DACH2: variants seen among roughly 807,000 people sequenced by gnomAD.
DACH2 encodes dachshund family transcription factor 2, also known as dachshund homolog 2.
Under a neutral mutation model 35.8 loss-of-function variants are expected in DACH2, and 17 were observed. The observed-to-expected ratio is 0.48, with a 90% CI of 0.33 to 0.71. DACH2 has a LOEUF of 0.71. DACH2 is among the 30% of genes least tolerant of loss of function. The pLI is 0.02. For missense variants in DACH2, 469 were observed against 472.7 expected (o/e 0.99, Z 0.07); for synonymous variants, 195 against 177.3 (o/e 1.10, Z -0.79).
At chrX:86,258,057 A>C (rs765932171) in intron 1 of DACH2, among the ~76,000 whole-genome samples, 2 of 112,149 alleles carry the variant, frequency 1.8e-5, no homozygotes, top group South Asian at 7.5e-4. Flanking sequence ...TTATTAGGAC[A>C]ATCAGGCAAG....
chrX:86,299,970 A>G (rs1231761270), intron 1 of DACH2, among the ~76,000 whole-genome samples: 1 of 111,841 alleles, frequency 8.9e-6, no homozygotes, highest in Non-Finnish European at 1.9e-5. Flanking sequence ...TGTTACATGC[A>G]TAGAATGTGT....
chrX:86,322,446 G>A (rs2035032760), intron 1 of DACH2, among the ~76,000 whole-genome samples: 1 of 110,469 alleles, frequency 9.1e-6, no homozygotes, highest in Non-Finnish European at 1.9e-5. Context: ...AAGACAGTGG[G>A]GGTGCCCCCA....
At chrX:86,262,581 A>G (rs1020003444) in intron 1 of DACH2, among the ~76,000 whole-genome samples, 2 of 110,345 alleles carry the variant, frequency 1.8e-5, no homozygotes, top group African/African-American at 6.6e-5. Context: ...TTTAAATGAC[A>G]TTTTCAACAA....
chrX:86,217,727 CA>C (rs1243642101), intron 1 of DACH2, among the ~76,000 whole-genome samples: 1 of 110,246 alleles, frequency 9.1e-6, no homozygotes, highest in African/African-American at 3.3e-5. Flanking sequence ...GTATAACTGA[CA>C]AAAAAGAAAT....
chrX:86,689,200 C>T (rs12838346), intron 4 of DACH2, among the ~76,000 whole-genome samples: 29,938 of 111,005 alleles, frequency 0.27, 3,359 homozygotes, highest in Middle Eastern at 0.43. Flanking sequence ...ATTTCAGATA[C>T]AGTGCATGAT....
At chrX:86,536,008 T>C (rs188122964) in intron 3 of DACH2, among the ~76,000 whole-genome samples, 257 of 110,859 alleles carry the variant, frequency 2.3e-3, no homozygotes, top group Admixed American at 3.6e-3. Flanking sequence ...TACAAGGAAC[T>C]GGAATTGGGA....
chrX:86,557,549 C>A (rs1046053882), intron 3 of DACH2, among the ~76,000 whole-genome samples: 1 of 82,427 alleles, frequency 1.2e-5, no homozygotes, highest in Non-Finnish European at 2.4e-5. Context: ...GCCATTTTCA[C>A]GATATTGATT....
chrX:86,436,922 G>A (rs1251561839), intron 2 of DACH2, among the ~76,000 whole-genome samples: 1 of 111,248 alleles, frequency 9.0e-6, no homozygotes, highest in African/African-American at 3.3e-5. Flanking sequence ...TGTGAGCATA[G>A]AGTTGTTAAT....
intron 1 of DACH2, among the ~76,000 whole-genome samples, chrX:86,243,454 G>GT (rs976550590): frequency 3.6e-5 from 4 of 111,527 alleles, no homozygotes; most frequent in Non-Finnish European, 5.7e-5. Flanking sequence ...TAAAATTCAT[G>GT]TTTTTTTAAA....
chrX:86,318,214 T>A (rs2034950119), intron 1 of DACH2, among the ~76,000 whole-genome samples: 2 of 111,674 alleles, frequency 1.8e-5, no homozygotes, highest in South Asian at 7.4e-4. Context: ...TCAAGACAGG[T>A]TTCCTTAAGG....
At chrX:86,546,394 T>TCTTCTTCTTCTTCTTCCTCTTCTTCTTC (rs2038964891) in intron 3 of DACH2, among the ~76,000 whole-genome samples, 2 of 76,968 alleles carry the variant, frequency 2.6e-5, no homozygotes, top group Non-Finnish European at 4.8e-5. Flanking sequence ...TTCTTCTTCT[T>TCTTCTTCTTCTTCTTCCTCTTCTTCTTC]CTTCTTCTTC....
In DACH2 at chrX:86,684,179, C is replaced by T. The variant is rs184629413; in HGVS notation, c.773-10842C>T. Among the ~76,000 whole-genome samples the T allele has an allele frequency of 3.8e-3, 423 of 111,686 alleles. 1 individual carries two copies. Among genetic ancestry groups the T allele is most frequent in the South Asian group, 6.0e-3 (16 of 2,682 alleles). ...CCATTGGCCACAAAAGATCATAATG[C>T]TTTCATATCGATTTATTGGTCAACA... On this transcript the variant is annotated intron_variant, in intron 4 of 11. Coordinates refer to ENST00000373125, the MANE Select transcript of DACH2 (RefSeq NM_053281.3).
At chrX:86,673,179 C>A (rs1207933973) in intron 4 of DACH2, among the ~76,000 whole-genome samples, 3 of 109,363 alleles carry the variant, frequency 2.7e-5, no homozygotes, top group Non-Finnish European at 3.8e-5. Context: ...ACTAAAAACA[C>A]ACAAAAAATT....
chrX:86,411,691 G>A (rs1249695084), intron 2 of DACH2, among the ~76,000 whole-genome samples: 4 of 111,704 alleles, frequency 3.6e-5, no homozygotes, highest in Non-Finnish European at 3.8e-5. Context: ...TAGTACAAGC[G>A]TATACATGCA....
intron 1 of DACH2, among the ~76,000 whole-genome samples, chrX:86,176,538 G>T (rs1449330780): frequency 9.0e-6 from 1 of 110,841 alleles, no homozygotes; most frequent in Non-Finnish European, 1.9e-5. Flanking sequence ...CTAAAATTTT[G>T]TACTATATAT....
At chrX:86,426,944 T>C (rs143144810) in intron 2 of DACH2, among the ~76,000 whole-genome samples, 6,432 of 112,418 alleles carry the variant, frequency 0.057, 468 homozygotes, top group African/African-American at 0.2. Context: ...TTTTTTAATA[T>C]ATTTCATTTA....
At chrX:86,250,118 G>A (rs893618070) in intron 1 of DACH2, among the ~76,000 whole-genome samples, 5 of 111,453 alleles carry the variant, frequency 4.5e-5, no homozygotes, top group Non-Finnish European at 7.6e-5. Flanking sequence ...TATTACCTGC[G>A]TGATGAAATA....
At chrX:86,466,464 G>T (rs1248830532) in intron 2 of DACH2, among the ~76,000 whole-genome samples, 1 of 109,976 alleles carries the variant, frequency 9.1e-6, no homozygotes, top group African/African-American at 3.3e-5. Flanking sequence ...TCTGCCCCTG[G>T]CCCCTCCGAA....
chrX:86,443,119 G>A (rs1267568708), intron 2 of DACH2, among the ~76,000 whole-genome samples: 1 of 111,399 alleles, frequency 9.0e-6, no homozygotes, highest in Non-Finnish European at 1.9e-5. Flanking sequence ...AAATGTCATT[G>A]ATATTTTAAT....
Sources: allele counts gnomAD v4.1 joint callset (sites outside exome capture counted in the v4.1 genomes callset), GRCh38; gene constraint gnomAD v4.1.1; transcripts MANE v1.5; gene names NCBI Gene and HGNC (gene_info 2026-07-23, HGNC 2026-07-21).